The following TDRD12 variants were observed in gnomAD, a reference collection of about 807,000 sequenced individuals.
TDRD12 encodes tudor domain containing 12, also known as putative ATP-dependent RNA helicase TDRD12.
In TDRD12, 158 loss-of-function variants were observed where a neutral mutation model predicts 133.5. The ratio of observed to expected loss-of-function variants is 1.18; its 90% confidence interval spans 1.04 to 1.35. TDRD12 has a LOEUF of 1.35. TDRD12 is among the 40% of genes most tolerant of loss of function. The pLI is 0.00. For synonymous variants in TDRD12, 460 were observed against 477.9 expected, an observed-to-expected ratio of 0.96 and a Z score of 0.49; for missense variants, 1,443 against 1,321.3, an observed-to-expected ratio of 1.09 and a Z score of -1.43.
At chr19:32,735,705 C>A (rs1969203343) in intron 2 of TDRD12, among the ~76,000 whole-genome samples, 1 of 152,050 alleles carries the variant, frequency 6.6e-6, no homozygotes, top group African/African-American at 2.4e-5. Flanking sequence ...TGTGGTGGCT[C>A]ACACCTGTAA....
At position 32,826,431 on chromosome 19, in the gene TDRD12, T is replaced by G; in HGVS notation, c.896-14T>G. On this transcript the variant is annotated splice_polypyrimidine_tract_variant and intron_variant, in intron 8 of 9. Coordinates refer to the TDRD12 transcript ENST00000637289. ...ATTTTAAAAGGCTGACTTTATTTCT[T>G]TTTATAAACCCAGTGCTTGGGTGGG... 3 of 1,248,920 alleles carry G rather than the reference T, an allele frequency of 2.4e-6. No individual in the cohort carries two copies. Among genetic ancestry groups the G allele is most frequent in the Non-Finnish European group, 3.0e-6 (3 of 997,638 alleles). The allele number at this position is 1,248,920 out of a possible 1,614,324, so 77.4% of individuals were successfully genotyped here.
chr19:32,752,458 G>A (rs1178278109), intron 6 of TDRD12, among the ~76,000 whole-genome samples: 6 of 152,294 alleles, frequency 3.9e-5, no homozygotes, highest in Middle Eastern at 3.4e-3. Context: ...GGGATTACAG[G>A]CGTGAGCCAC....
chr19:32,793,699 G>A (rs1183070289), intron 13 of TDRD12, among the ~76,000 whole-genome samples: 3 of 152,112 alleles, frequency 2.0e-5, no homozygotes, highest in African/African-American at 7.2e-5. Flanking sequence ...GGAGAATGAG[G>A]AGGAAAAGCC....
chr19:32,747,761 C>A (rs1385229914), intron 4 of TDRD12, among the ~76,000 whole-genome samples: 1 of 152,148 alleles, frequency 6.6e-6, no homozygotes, highest in Admixed American at 6.6e-5. Context: ...GTAATCCCAG[C>A]ACTTTGGGAG....
intron 2 of TDRD12, among the ~76,000 whole-genome samples, chr19:32,732,319 T>C (rs1245319983): frequency 6.6e-6 from 1 of 152,184 alleles, no homozygotes; most frequent in Non-Finnish European, 1.5e-5. Flanking sequence ...TAAGGTTCTT[T>C]AGGTTGCACA....
At chr19:32,750,645 A>G (rs1019760026) in intron 6 of TDRD12, among the ~76,000 whole-genome samples, 2 of 152,082 alleles carry the variant, frequency 1.3e-5, no homozygotes, top group African/African-American at 4.8e-5. Context: ...CCTTTTTCTG[A>G]TGTAGGATCT....
At chr19:32,791,652 G>A (rs1034039231) in intron 13 of TDRD12, among the ~76,000 whole-genome samples, 4 of 152,120 alleles carry the variant, frequency 2.6e-5, no homozygotes, top group African/African-American at 7.2e-5. Context: ...CGAGGGGAGC[G>A]TGAACCACCA....
At chr19:32,823,256 C>T (rs1334586932), downstream of TDRD12, among the ~76,000 whole-genome samples, 6 of 152,210 alleles carry the variant, frequency 3.9e-5, no homozygotes, top group Non-Finnish European at 5.9e-5. Flanking sequence ...GGAGGAGCCG[C>T]AGAGGTGGCT....
intron 11 of TDRD12, among the ~76,000 whole-genome samples, chr19:32,787,329 C>T (rs1599585099): frequency 6.6e-6 from 1 of 152,166 alleles, no homozygotes; most frequent in Admixed American, 6.5e-5. Context: ...TATGAGGTGT[C>T]TGTCGGCCCC....
At chr19:32,769,192 T>G (rs1757286817) in intron 8 of TDRD12, among the ~76,000 whole-genome samples, 2 of 152,042 alleles carry the variant, frequency 1.3e-5, no homozygotes, top group South Asian at 4.1e-4. Context: ...TTTTAGGATT[T>G]TATGTCCTAT....
At chr19:32,806,982 C>T (rs777072205) in intron 21 of TDRD12, among the ~76,000 whole-genome samples, 5 of 152,062 alleles carry the variant, frequency 3.3e-5, no homozygotes, top group African/African-American at 7.2e-5. Flanking sequence ...ACTTTTAAAA[C>T]GGCAATTTCA....
intron 2 of TDRD12, among the ~76,000 whole-genome samples, chr19:32,737,922 C>G (rs2145458225): frequency 6.6e-6 from 1 of 152,116 alleles, no homozygotes; most frequent in East Asian, 1.9e-4. Flanking sequence ...CACCTGAGGT[C>G]AGGAGTTCGA....
chr19:32,740,378 G>A (rs145281404), intron 3 of TDRD12, among the ~76,000 whole-genome samples: 3,298 of 138,004 alleles, frequency 0.024, 49 homozygotes, highest in Middle Eastern at 0.04. Context: ...CATCTCCTGG[G>A]TGCTGTCTGC....
intron 3 of TDRD12, among the ~76,000 whole-genome samples, chr19:32,739,281 C>G (rs895314480): frequency 3.3e-5 from 5 of 151,814 alleles, no homozygotes; most frequent in Non-Finnish European, 5.9e-5. Flanking sequence ...TGGCTGCTCT[C>G]TGCATCTCCT....
intron 13 of TDRD12, among the ~76,000 whole-genome samples, chr19:32,794,332 T>C (rs1157333757): frequency 6.6e-6 from 1 of 151,718 alleles, no homozygotes; most frequent in African/African-American, 2.4e-5. Flanking sequence ...CTCGGACTCC[T>C]GACCTCAGGT....
chr19:32,746,571 T>G (rs1186242723), intron 4 of TDRD12, among the ~76,000 whole-genome samples: 1 of 147,368 alleles, frequency 6.8e-6, no homozygotes, highest in Non-Finnish European at 1.5e-5. Flanking sequence ...TTATTCTGTG[T>G]GTGTGAGAGA....
chr19:32,723,484 C>T (rs980666459), intron 1 of TDRD12, among the ~76,000 whole-genome samples: 3 of 151,900 alleles, frequency 2.0e-5, no homozygotes, highest in Non-Finnish European at 2.9e-5. Flanking sequence ...CTCCTGACCT[C>T]GTGGTCCACC....
At chr19:32,794,092 C>CTTTTT (rs751938374) in intron 13 of TDRD12, among the ~76,000 whole-genome samples, 8 of 49,858 alleles carry the variant, frequency 1.6e-4, no homozygotes, top group African/African-American at 3.6e-4. Context: ...CTGTGCCTGG[C>CTTTTT]TTTTTTTTTT....
chr19:32,794,628 G>A (rs770743043), exon 14 of TDRD12: 2 of 701,782 alleles, frequency 2.8e-6, no homozygotes, highest in South Asian at 1.5e-5. Context: ...TGTTTTGTAG[G>A]CTCTTCAAAG....
Sources: gnomAD v4.1 joint callset for allele counts (sites outside exome capture counted in the v4.1 genomes callset) on GRCh38, gnomAD v4.1.1 for gene constraint, MANE v1.5 for transcripts, NCBI Gene and HGNC (gene_info 2026-07-23, HGNC 2026-07-21) for gene names.